The following LRP6 variants were observed in gnomAD, a reference collection of about 807,000 sequenced individuals.
The protein encoded by LRP6 is LDL receptor related protein 6.
In LRP6, 43 loss-of-function variants were observed where a neutral mutation model predicts 184.1. The ratio of observed to expected loss-of-function variants is 0.23; its 90% CI spans 0.18 to 0.30. LRP6 has a LOEUF of 0.30. Ranked by LOEUF, LRP6 falls within the 10% of genes least tolerant of loss-of-function variation. LRP6 has a pLI of 1.00. For synonymous variants in LRP6, 719 were observed against 684.9 expected (o/e 1.05, Z -0.78); for missense variants, 1,571 against 2,005.3 (o/e 0.78, Z 4.14).
chr12:12,167,086 C>T (rs987977562), intron 7 of LRP6, among the ~76,000 whole-genome samples: 5 of 151,666 alleles, frequency 3.3e-5, no homozygotes, highest in African/African-American at 7.3e-5. Context: ...GTAACTCCAG[C>T]CTAGGAAAAA....
At position 12,159,002 on chromosome 12, in the gene LRP6, A is replaced by C; in HGVS notation, c.2618T>G (p.Leu873Trp). 6.2e-7 allele frequency: 1 copy of C among 1,614,246 alleles called. No individual in the cohort carries two copies. The highest frequency in any genetic ancestry group is 1.1e-5 in the South Asian group (1 of 91,088). ...GACGAGGATGTCCATCACATAATCC[A>C]AATGGCCCTGAATGATGGTGCGGTT... is the stretch of plus-strand genomic sequence containing the variant. ...GQNRTIIQGHLDYVMDILVFH... is the reference protein window; with the variant it reads ...GQNRTIIQGHWDYVMDILVFH... Residue 873 changes from leucine to tryptophan, a missense_variant, in exon 12 of 23, where the codon TTG (leucine) becomes TGG (tryptophan). Leu to Trp is a moderately conservative substitution (Grantham distance 61). Around this residue, in one of 4 missense-constraint regions of LRP6, gnomAD observed 158 missense variants for 258.4 expected, o/e 0.61. Coordinates refer to ENST00000261349, the MANE Select transcript of LRP6 (RefSeq NM_002336.3).
Position 12,159,116 on chromosome 12 carries a change from G to A in LRP6, c.2504C>T (p.Pro835Leu). The A allele has an allele frequency of 6.2e-7, 1 of 1,614,076 alleles. No individual in the cohort carries two copies. The highest frequency in any genetic ancestry group is 8.5e-7 in the Non-Finnish European group (1 of 1,180,008). The change falls in exon 12 of 23, where the codon CCT becomes CTT. Residue 835 changes from proline (P) to leucine (L), a missense_variant. By Grantham distance (98) the Pro-to-Leu change is moderately conservative. Coordinates refer to ENST00000261349, the MANE Select transcript of LRP6 (RefSeq NM_002336.3). The stretch of plus-strand genomic sequence containing the variant: ...ATCTTGGTACTGAGTTAAGCCAAAA[G>A]GATGAGGCAAGTCATCTGCTATAAC... ...REVIADDLPH[P>L]FGLTQYQDYI...
chr12:12,168,788 AAAGTC>A (rs1166395010), intron 7 of LRP6, among the ~76,000 whole-genome samples: 1 of 152,228 alleles, frequency 6.6e-6, no homozygotes, highest in Non-Finnish European at 1.5e-5. Context: ...TCCCTTATCT[AAAGTC>A]AGGGTCAGTT....
intron 3 of LRP6, among the ~76,000 whole-genome samples, chr12:12,194,656 A>G (rs1863707062): frequency 6.6e-6 from 1 of 151,744 alleles, no homozygotes; most frequent in Non-Finnish European, 1.5e-5. Context: ...CAATGTTGCA[A>G]TATATATAAG....
In LRP6 at chr12:12,130,824, T is replaced by C. The variant is rs762517128; in HGVS notation, c.4040A>G (p.His1347Arg). ...QCIGKHKKCD[H>R]NVDCSDKSDE... ...TGACTTGTCACTGCAATCCACATTA[T>C]GATCACACTTCTTGTGCTTTCCAAT... The change falls in exon 19 of 23, where the codon CAT (histidine) becomes CGT (arginine). Residue 1347 changes from histidine (H) to arginine (R), a missense_variant. Coordinates refer to ENST00000261349, the MANE Select transcript of LRP6 (RefSeq NM_002336.3). 5.0e-6 allele frequency: 8 copies of C among 1,613,690 alleles called. No homozygotes were observed. In the Admixed American group the frequency reaches 6.7e-5, roughly 13 times the overall value.
At chr12:12,148,343 T>G (rs1472926762) in intron 14 of LRP6, among the ~76,000 whole-genome samples, 5 of 152,172 alleles carry the variant, frequency 3.3e-5, no homozygotes, top group Non-Finnish European at 7.3e-5. Context: ...TATAAATCAC[T>G]TCTTATATTT....
rs1949521576 is a variant in LRP6 at position 12,116,528 on chromosome 12, T to C, written c.*4598A>G. 2 of 152,314 alleles carry C rather than the reference T, an allele frequency of 1.3e-5. No homozygotes were observed. Among genetic ancestry groups the C allele is most frequent in the Admixed American group, 6.5e-5 (1 of 15,286 alleles). The allele number at this position is 152,314 out of a possible 1,614,324, so 9.4% of individuals were successfully genotyped here. A position where few individuals can be genotyped will look rare whatever the true frequency, so the allele number is the denominator to read the frequency against. ...TAGATATATAGAATATGTATCTATATATAAATATATCTCTATCGCCCATCC... is the reference window on the plus strand; with the variant it reads ...TAGATATATAGAATATGTATCTATACATAAATATATCTCTATCGCCCATCC... On this transcript the variant is annotated 3_prime_UTR_variant, in exon 23 of 23. Coordinates refer to ENST00000261349, the MANE Select transcript of LRP6 (RefSeq NM_002336.3).
At chr12:12,125,872 T>C (rs1038541365) in intron 20 of LRP6, among the ~76,000 whole-genome samples, 39 of 152,228 alleles carry the variant, frequency 2.6e-4, no homozygotes, top group African/African-American at 9.4e-4. Context: ...ATATAAATGT[T>C]GCTAGAATCA....
chr12:12,236,914 A>ATTTT (rs34993303), intron 2 of LRP6, among the ~76,000 whole-genome samples: 11 of 150,270 alleles, frequency 7.3e-5, no homozygotes, highest in African/African-American at 2.7e-4. Flanking sequence ...TAATTCAGGG[A>ATTTT]TTTTTTTTTT....
intron 1 of LRP6, among the ~76,000 whole-genome samples, chr12:12,259,276 A>AG (rs1865553866): frequency 6.6e-6 from 1 of 151,962 alleles, no homozygotes; most frequent in East Asian, 1.9e-4. Context: ...AAAAAAAAAA[A>AG]AAAAAGACTA....
At chr12:12,182,097 G>A (rs926557703) in intron 5 of LRP6, among the ~76,000 whole-genome samples, 4 of 152,136 alleles carry the variant, frequency 2.6e-5, no homozygotes, top group African/African-American at 7.2e-5. Flanking sequence ...TAACACAGTG[G>A]TTAAGAGTTG....
chr12:12,246,872 T>C (rs796459633), intron 1 of LRP6, among the ~76,000 whole-genome samples: 3 of 152,338 alleles, frequency 2.0e-5, no homozygotes, highest in African/African-American at 7.2e-5. Flanking sequence ...ATTGTGTCTG[T>C]CAAATAGTTA....
intron 2 of LRP6, among the ~76,000 whole-genome samples, chr12:12,236,347 A>G (rs963791115): frequency 6.6e-6 from 1 of 151,998 alleles, no homozygotes; most frequent in African/African-American, 2.4e-5. Context: ...GAAAATCATG[A>G]CAGTTTTGGA....
At chr12:12,221,263 G>C (rs1179607036) in intron 2 of LRP6, among the ~76,000 whole-genome samples, 1 of 152,176 alleles carries the variant, frequency 6.6e-6, no homozygotes, top group Non-Finnish European at 1.5e-5. Flanking sequence ...CATAAACAAT[G>C]AAGTGTAAGA....
chr12:12,141,288 A>C (rs1021841546), intron 15 of LRP6, among the ~76,000 whole-genome samples: 1 of 152,146 alleles, frequency 6.6e-6, no homozygotes, highest in Non-Finnish European at 1.5e-5. Flanking sequence ...GAGGGGAAAG[A>C]ACATGTTAAA....
intron 1 of LRP6, 39 bp downstream of exon 1, chr12:12,266,642 C>G (rs370216234): frequency 1.6e-4 from 256 of 1,591,956 alleles, no homozygotes; most frequent in Non-Finnish European, 2.1e-4. Flanking sequence ...CACCTCCCCC[C>G]GAACCCCACC....
chr12:12,225,189 G>A (rs568941365), intron 2 of LRP6, among the ~76,000 whole-genome samples: 4 of 152,250 alleles, frequency 2.6e-5, no homozygotes, highest in Non-Finnish European at 4.4e-5. Flanking sequence ...CTCCAGCCTG[G>A]GCGACAAAGC....
At position 12,197,983 on chromosome 12, in the gene LRP6, T is replaced by G. The variant is rs536755177; in HGVS notation, c.647+5220A>C. ...TAGCTTGTGCCCAAGAGGCAGAGGT[T>G]GCAGTGAACAGATTCTGCAACCTCT... On this transcript the variant is annotated intron_variant, in intron 3 of 22. Transcript: ENST00000261349. Among the ~76,000 whole-genome samples the G allele has an allele frequency of 2.0e-5, 3 of 152,346 alleles. No homozygotes were observed. In the South Asian group the frequency reaches 6.2e-4, roughly 32 times the overall value.
intron 2 of LRP6, among the ~76,000 whole-genome samples, chr12:12,217,822 G>A (rs1466674096): frequency 6.6e-6 from 1 of 152,142 alleles, no homozygotes; most frequent in Non-Finnish European, 1.5e-5. Context: ...TGGGATAACT[G>A]GATATCCACA....
Sources: allele counts gnomAD v4.1 joint callset (sites outside exome capture counted in the v4.1 genomes callset), GRCh38; gene constraint gnomAD v4.1.1; regional missense constraint gnomAD v4.1.1; transcripts MANE v1.5; gene names NCBI Gene and HGNC (gene_info 2026-07-23, HGNC 2026-07-21).